The following BCL2L13 variants were observed in gnomAD, a reference collection of about 807,000 sequenced individuals.
BCL2L13 encodes the protein bcl-2-like protein 13.
In BCL2L13, 13 loss-of-function variants were observed where a neutral mutation model predicts 25.8. That is an observed-to-expected ratio of 0.50 (90% CI 0.33 to 0.80). BCL2L13 has a LOEUF of 0.80. BCL2L13 is among the 30% of genes least tolerant of loss of function. The pLI is 0.02. For synonymous variants in BCL2L13, 244 were observed against 230.3 expected (o/e 1.06, Z -0.54); for missense variants, 504 against 574.9 (o/e 0.88, Z 1.26).
At chr22:17,663,959 C>T (rs928414287) in intron 2 of BCL2L13, among the ~76,000 whole-genome samples, 4 of 152,156 alleles carry the variant, frequency 2.6e-5, no homozygotes, top group Admixed American at 2.0e-4. Flanking sequence ...AGTGATCCTC[C>T]TGGCTCAGCT....
chr22:17,663,736 T>A (rs2059146429), intron 2 of BCL2L13, among the ~76,000 whole-genome samples: 1 of 136,738 alleles, frequency 7.3e-6, no homozygotes, highest in Admixed American at 8.6e-5. Context: ...CAGGCTGGAG[T>A]GGTGCAGTGG....
upstream of BCL2L13, among the ~76,000 whole-genome samples, chr22:17,636,331 GAAAA>G (rs75562807): frequency 5.5e-4 from 57 of 103,114 alleles, no homozygotes; most frequent in African/African-American, 1.8e-3. Context: ...TCAAAAAAAA[GAAAA>G]AAAAAAAAAA....
At chr22:17,656,637 G>A (rs2058877108) in intron 2 of BCL2L13, among the ~76,000 whole-genome samples, 1 of 151,766 alleles carries the variant, frequency 6.6e-6, no homozygotes, top group Non-Finnish European at 1.5e-5. Context: ...GTGAGCCACG[G>A]CGCCCAACTC....
chr22:17,689,564 AC>A (rs1601672613), intron 4 of BCL2L13, among the ~76,000 whole-genome samples: 1 of 152,058 alleles, frequency 6.6e-6, no homozygotes, highest in Non-Finnish European at 1.5e-5. Flanking sequence ...CATTTTATTG[AC>A]CGGGCGCGGT....
intron 6 of BCL2L13, among the ~76,000 whole-genome samples, chr22:17,709,958 T>G (rs1253926173): frequency 6.6e-6 from 1 of 150,684 alleles, no homozygotes; most frequent in African/African-American, 2.4e-5. Context: ...TGGTCCCATT[T>G]ACTCAGGAGG....
intron 2 of BCL2L13, among the ~76,000 whole-genome samples, chr22:17,664,014 A>G (rs1601570751): frequency 1.3e-5 from 2 of 152,018 alleles, no homozygotes; most frequent in Non-Finnish European, 2.9e-5. Flanking sequence ...ATGCCTGGCT[A>G]ATTTTTGTAT....
At position 17,705,127 on chromosome 22, in the gene BCL2L13, T is replaced by C. The variant is rs12170685; in HGVS notation, c.600+2741T>C. Among the ~76,000 whole-genome samples the C allele has an allele frequency of 4.1e-3, 611 of 150,598 alleles. 3 individuals carry two copies. Among genetic ancestry groups the C allele is most frequent in the Middle Eastern group, 0.017 (5 of 292 alleles). On this transcript the variant is annotated intron_variant, in intron 6 of 6. Coordinates refer to ENST00000317582, the MANE Select transcript of BCL2L13 (RefSeq NM_015367.4). ...TTTTGATTGATTAAAAAAAAAATTA[T>C]CTGGGTGTGGTGGCAGGCACCTGTA...
intron 1 of BCL2L13, among the ~76,000 whole-genome samples, chr22:17,633,451 A>C (rs2058060873): frequency 6.6e-6 from 1 of 152,164 alleles, no homozygotes; most frequent in African/African-American, 2.4e-5. Flanking sequence ...GACACTTTAA[A>C]ACATATTTTC....
intron 6 of BCL2L13, among the ~76,000 whole-genome samples, chr22:17,708,180 A>G (rs1284241780): frequency 1.3e-5 from 2 of 152,040 alleles, no homozygotes; most frequent in African/African-American, 4.8e-5. Flanking sequence ...TTAATTGAAG[A>G]GTTTAATGCA....
chr22:17,686,717 G>A (rs905503262), intron 3 of BCL2L13, among the ~76,000 whole-genome samples: 3 of 151,922 alleles, frequency 2.0e-5, no homozygotes, highest in African/African-American at 7.3e-5. Flanking sequence ...CACCACGTTG[G>A]TCAGGCTGGT....
At chr22:17,646,958 T>TTTG (rs2058513016) in intron 1 of BCL2L13, among the ~76,000 whole-genome samples, 1 of 51,516 alleles carries the variant, frequency 1.9e-5, no homozygotes, top group East Asian at 3.2e-4. Flanking sequence ...TATATATATT[T>TTTG]TTTTTTTTTT....
At chr22:17,634,607 C>T (rs1446178828), upstream of BCL2L13, among the ~76,000 whole-genome samples, 1 of 152,172 alleles carries the variant, frequency 6.6e-6, no homozygotes, top group Non-Finnish European at 1.5e-5. Flanking sequence ...ATTGCTTTTG[C>T]TAGCACCCAG....
chr22:17,667,892 C>CT (rs1274547611), intron 2 of BCL2L13, among the ~76,000 whole-genome samples: 5 of 144,886 alleles, frequency 3.5e-5, no homozygotes, highest in African/African-American at 1.0e-4. Flanking sequence ...TATAGTTTGT[C>CT]TTTTTACTTA....
chr22:17,720,504 G>T (rs1313630380), intron 6 of BCL2L13, among the ~76,000 whole-genome samples: 1 of 151,942 alleles, frequency 6.6e-6, no homozygotes, highest in East Asian at 1.9e-4. Context: ...TTACAGGCAT[G>T]TGCCACCATG....
At chr22:17,697,731 C>A (rs989619633) in intron 5 of BCL2L13, among the ~76,000 whole-genome samples, 1 of 152,070 alleles carries the variant, frequency 6.6e-6, no homozygotes, top group Admixed American at 6.5e-5. Context: ...TGTTACCTAT[C>A]GGTACATAAT....
intron 5 of BCL2L13, among the ~76,000 whole-genome samples, chr22:17,699,794 T>C (rs1403663969): frequency 6.6e-6 from 1 of 152,202 alleles, no homozygotes; most frequent in East Asian, 1.9e-4. Context: ...GTGCAGATTA[T>C]GTAAAATTCT....
intron 2 of BCL2L13, among the ~76,000 whole-genome samples, chr22:17,671,380 C>T (rs888979061): frequency 2.7e-5 from 3 of 110,530 alleles, no homozygotes; most frequent in African/African-American, 1.1e-4. Flanking sequence ...GGTGACAGAG[C>T]GAGACTCCAT....
rs35772364 is a variant in BCL2L13, at chr22:17,642,129, C to CT, written c.-51+3264dup. Among the ~76,000 whole-genome samples the CT allele has an allele frequency of 3.6e-3, 245 of 67,522 alleles. 4 individuals are homozygous for CT. Among genetic ancestry groups the CT allele is most frequent in the Non-Finnish European group, 4.9e-3 (177 of 36,160 alleles). The allele number at this position is 67,522 out of a possible 152,430, so 44.3% of individuals were successfully genotyped here. The stretch of plus-strand genomic sequence containing the variant: ...GTGGTCTTTTGTGTCTGGCTTCTCT[C>CT]TTTTTTTTTTTTTTTTTTTTTGAGA... On this transcript the variant is annotated intron_variant, in intron 1 of 6. Coordinates refer to ENST00000317582, the MANE Select transcript of BCL2L13 (RefSeq NM_015367.4).
At position 17,689,956 on chromosome 22, in the gene BCL2L13, T is replaced by C. The variant is rs148044460; in HGVS notation, c.386+814T>C. 5.1e-3 allele frequency among the ~76,000 whole-genome samples: 769 copies of C among 152,226 alleles called. 4 individuals carry two copies. Among genetic ancestry groups the C allele is most frequent in the African/African-American group, 0.016 (668 of 41,544 alleles). On this transcript the variant is annotated intron_variant, in intron 4 of 6. Transcript: ENST00000317582. The stretch of plus-strand genomic sequence containing the variant: ...GCTTCTACATTCTTATAGAAGGAAC[T>C]TCTCTCCTAGCTATGGTTCTGACCA...
Sources: gnomAD v4.1 joint callset for allele counts (sites outside exome capture counted in the v4.1 genomes callset) on GRCh38, gnomAD v4.1.1 for gene constraint, MANE v1.5 for transcripts, NCBI Gene and HGNC (gene_info 2026-07-23, HGNC 2026-07-21) for gene names.